Variants in ACOXL observed in about 807,000 individuals in gnomAD.
ACOXL encodes acyl-coenzyme A oxidase-like protein.
Under a neutral mutation model 71.9 loss-of-function variants are expected in ACOXL, and 70 were observed. The observed-to-expected ratio is 0.97, with a 90% CI of 0.80 to 1.19. The LOEUF (loss-of-function observed/expected upper bound fraction) is 1.19, where lower values mean the gene tolerates loss of function less well. Among genes scored for constraint, ACOXL ranks in the 50% most tolerant of loss-of-function variants. The probability of loss-of-function intolerance (pLI) is 0.00; values close to 1 mark genes in which losing one functional copy is unlikely to be tolerated. For missense variants in ACOXL, 703 were observed against 736.3 expected (o/e 0.95, Z 0.52); for synonymous variants, 253 against 281.6 (o/e 0.90, Z 1.02).
intron 10 of ACOXL, among the ~76,000 whole-genome samples, chr2:110,870,777 A>T (rs532336918): frequency 7.2e-4 from 110 of 152,118 alleles, no homozygotes; most frequent in Non-Finnish European, 1.4e-3. Context: ...TTCTGATCAA[A>T]ATCAGTTTCC....
At chr2:110,939,263 A>C (rs2060781150) in intron 12 of ACOXL, among the ~76,000 whole-genome samples, 1 of 152,204 alleles carries the variant, frequency 6.6e-6, no homozygotes, top group African/African-American at 2.4e-5. Flanking sequence ...TATTTTTATC[A>C]ATTACAAAAG....
At chr2:110,821,181 G>A (rs770866721) in intron 9 of ACOXL, among the ~76,000 whole-genome samples, 1 of 152,210 alleles carries the variant, frequency 6.6e-6, no homozygotes, top group African/African-American at 2.4e-5. Flanking sequence ...CCCTTCCTCA[G>A]TTTGATGTCA....
At chr2:110,874,646 A>G (rs1028655495) in intron 10 of ACOXL, among the ~76,000 whole-genome samples, 1 of 152,104 alleles carries the variant, frequency 6.6e-6, no homozygotes, top group African/African-American at 2.4e-5. Context: ...AAATAGTAAT[A>G]ATGGTGCTAC....
At chr2:110,876,757 A>G (rs1204601870) in intron 10 of ACOXL, among the ~76,000 whole-genome samples, 2 of 152,158 alleles carry the variant, frequency 1.3e-5, no homozygotes, top group Non-Finnish European at 2.9e-5. Flanking sequence ...TTTTTGGTCC[A>G]TTTGTTTATT....
chr2:110,797,311 A>G (rs1216079841), intron 5 of ACOXL, among the ~76,000 whole-genome samples: 1 of 152,224 alleles, frequency 6.6e-6, no homozygotes, highest in African/African-American at 2.4e-5. Context: ...ACATATTCAG[A>G]GACAAACTGC....
At chr2:110,895,165 G>A (rs558714799) in intron 10 of ACOXL, among the ~76,000 whole-genome samples, 1 of 152,082 alleles carries the variant, frequency 6.6e-6, no homozygotes, top group Non-Finnish European at 1.5e-5. Context: ...TGACAAACAT[G>A]CTGAAACATG....
At chr2:110,902,314 A>G (rs887644633) in intron 10 of ACOXL, among the ~76,000 whole-genome samples, 1 of 151,892 alleles carries the variant, frequency 6.6e-6, no homozygotes, top group Non-Finnish European at 1.5e-5. Flanking sequence ...TACTAAAATT[A>G]CAAAAATTAG....
intron 10 of ACOXL, among the ~76,000 whole-genome samples, chr2:110,903,539 G>T (rs2059328186): frequency 6.6e-6 from 1 of 152,140 alleles, no homozygotes; most frequent in Admixed American, 6.5e-5. Context: ...TGAAAAATTT[G>T]AGCTAAGTGA....
intron 1 of ACOXL, among the ~76,000 whole-genome samples, chr2:110,748,588 G>T (rs951959912): frequency 2.0e-5 from 3 of 152,196 alleles, no homozygotes; most frequent in Non-Finnish European, 2.9e-5. Context: ...TTCAGAGCTT[G>T]CAGTGTTTGC....
chr2:110,906,537 CAA>C (rs368985557), intron 10 of ACOXL, among the ~76,000 whole-genome samples: 1,938 of 72,030 alleles, frequency 0.027, 13 homozygotes, highest in African/African-American at 0.058. Context: ...GACTCTGTCT[CAA>C]AAAAAAAAAA....
At chr2:110,779,878 C>T (rs1177994421) in intron 2 of ACOXL, among the ~76,000 whole-genome samples, 1 of 152,170 alleles carries the variant, frequency 6.6e-6, no homozygotes, top group African/African-American at 2.4e-5. Flanking sequence ...AGGAGAATGT[C>T]CTATTAGGAT....
intron 10 of ACOXL, among the ~76,000 whole-genome samples, chr2:110,867,930 T>A (rs995997609): frequency 6.6e-6 from 1 of 151,622 alleles, no homozygotes; most frequent in Admixed American, 6.6e-5. Flanking sequence ...GCTCAGCTAA[T>A]TTTTGTATTT....
intron 11 of ACOXL, 120 bp downstream of exon 11, chr2:110,909,025 G>A: frequency 1.4e-6 from 1 of 738,272 alleles, no homozygotes. Context: ...AGAGTCTGTT[G>A]TTAAAATCGG....
chr2:111,096,699 G>A (rs2150034746), intron 17 of ACOXL, among the ~76,000 whole-genome samples: 1 of 152,128 alleles, frequency 6.6e-6, no homozygotes, highest in South Asian at 2.1e-4. Context: ...TGTTTCTTCT[G>A]TGTGTCTGGT....
intron 17 of ACOXL, among the ~76,000 whole-genome samples, chr2:111,109,049 TCAGAGTCTC>T (rs1260648101): frequency 6.6e-6 from 1 of 152,198 alleles, no homozygotes; most frequent in Non-Finnish European, 1.5e-5. Flanking sequence ...ACTCACCTAA[TCAGAGTCTC>T]CAGGAACTGG....
At chr2:110,752,555 G>C (rs1679137704) in intron 1 of ACOXL, among the ~76,000 whole-genome samples, 1 of 151,224 alleles carries the variant, frequency 6.6e-6, no homozygotes, top group African/African-American at 2.4e-5. Flanking sequence ...GGGGGATCTT[G>C]TATGCTGGTC....
In ACOXL at chr2:110,956,521, C is replaced by T. The variant is rs566501047; in HGVS notation, c.1059+22879C>T. The stretch of plus-strand genomic sequence containing the variant: ...GAGACCCAACCCAGATCTCAGCTGT[C>T]ACGGGACAGGTTGCAGTGACTCTCC... On this transcript the variant is annotated intron_variant, in intron 12 of 17. Coordinates refer to ENST00000439055, the MANE Select transcript of ACOXL (RefSeq NM_001142807.4). 1.1e-4 allele frequency among the ~76,000 whole-genome samples: 16 copies of T among 152,250 alleles called. No homozygotes were observed. The East Asian group carries it at 3.1e-3, about 30-fold the overall frequency.
intron 10 of ACOXL, among the ~76,000 whole-genome samples, chr2:110,889,534 C>T (rs1463597106): frequency 6.6e-6 from 1 of 152,140 alleles, no homozygotes; most frequent in Non-Finnish European, 1.5e-5. Flanking sequence ...AACAAATCCA[C>T]TTTCTGTCTC....
intron 2 of ACOXL, among the ~76,000 whole-genome samples, chr2:110,781,646 T>C (rs923957977): frequency 1.3e-5 from 2 of 150,054 alleles, no homozygotes; most frequent in Non-Finnish European, 3.0e-5. Context: ...ATCTCAAAAA[T>C]AAATAAATAA....
Sources: allele counts gnomAD v4.1 joint callset (sites outside exome capture counted in the v4.1 genomes callset), GRCh38; gene constraint gnomAD v4.1.1; transcripts MANE v1.5; gene names NCBI Gene and HGNC (gene_info 2026-07-23, HGNC 2026-07-21).